The following ARL15 variants were observed in gnomAD, a reference collection of about 807,000 sequenced individuals.
The protein encoded by ARL15 is ARF like GTPase 15.
A neutral mutation model predicts 25.2 loss-of-function variants in ARL15; 19 were observed. That is an observed-to-expected ratio of 0.75 (90% CI 0.53 to 1.10). The LOEUF (loss-of-function observed/expected upper bound fraction) is 1.10, where lower values mean the gene tolerates loss of function less well. ARL15 is among the 50% of genes least tolerant of loss of function. The pLI is 0.00. For missense variants in ARL15, 220 were observed against 246.0 expected (o/e 0.89, Z 0.71); for synonymous variants, 94 against 86.8 (o/e 1.08, Z -0.46).
chr5:53,939,861 T>G lies in ARL15; in HGVS notation c.463-53148A>C, dbSNP rs1746478997. Among the ~76,000 whole-genome samples, 5 of 152,060 alleles carry G rather than the reference T, an allele frequency of 3.3e-5. 1 individual carries two copies. The South Asian group carries it at 1.0e-3, about 31-fold the overall frequency. On this transcript the variant is annotated intron_variant, in intron 4 of 4. Transcript: ENST00000504924. Reference sequence around the variant, plus strand: ...ATCATAAAAGAATAAAATTAAACACTGATTCAAACAAATATGAACAGACGT... The same window carrying G: ...ATCATAAAAGAATAAAATTAAACACGGATTCAAACAAATATGAACAGACGT...
At chr5:54,171,602 C>T (rs1304717270) in intron 2 of ARL15, among the ~76,000 whole-genome samples, 182 bp downstream of exon 2, 1 of 152,086 alleles carries the variant, frequency 6.6e-6, no homozygotes, top group African/African-American at 2.4e-5. Flanking sequence ...ATATAGGATA[C>T]AGCAATTTAA....
intron 4 of ARL15, among the ~76,000 whole-genome samples, chr5:53,950,010 G>A (rs766017213): frequency 6.6e-6 from 1 of 151,962 alleles, no homozygotes; most frequent in African/African-American, 2.4e-5. Flanking sequence ...AATGTTAAGC[G>A]ATGCAGAAAA....
At chr5:54,106,520 G>A (rs1752594143) in intron 4 of ARL15, among the ~76,000 whole-genome samples, 1 of 151,944 alleles carries the variant, frequency 6.6e-6, no homozygotes, top group African/African-American at 2.4e-5. Context: ...ATCAAATGGA[G>A]GAGTATTATC....
intron 1 of ARL15, among the ~76,000 whole-genome samples, chr5:54,237,895 G>A (rs1756852744): frequency 2.6e-5 from 4 of 152,318 alleles, no homozygotes; most frequent in Middle Eastern, 3.4e-3. Flanking sequence ...CTAACCATAT[G>A]AGGGGGAAAA....
intron 4 of ARL15, among the ~76,000 whole-genome samples, chr5:54,053,235 A>G (rs1364272970): frequency 6.7e-6 from 1 of 149,384 alleles, no homozygotes; most frequent in African/African-American, 2.6e-5. Flanking sequence ...AAACAACAAC[A>G]ACAACAAACA....
intron 3 of ARL15, among the ~76,000 whole-genome samples, chr5:54,114,346 G>C (rs1752829038): frequency 7.1e-6 from 1 of 140,300 alleles, no homozygotes; most frequent in African/African-American, 2.7e-5. Context: ...GGAGGTTGCA[G>C]TGAGCCAAGA....
intron 4 of ARL15, among the ~76,000 whole-genome samples, chr5:53,995,007 C>T (rs1452369391): frequency 6.6e-6 from 1 of 152,056 alleles, no homozygotes; most frequent in East Asian, 1.9e-4. Flanking sequence ...GGTGCCAAGA[C>T]ATTCTTTAAA....
At chr5:54,175,292 T>C (rs1171053295) in intron 1 of ARL15, among the ~76,000 whole-genome samples, 3 of 152,150 alleles carry the variant, frequency 2.0e-5, no homozygotes, top group African/African-American at 4.8e-5. Context: ...TTTGCAATGA[T>C]AGCAGTGATA....
intron 4 of ARL15, among the ~76,000 whole-genome samples, chr5:53,977,040 G>T (rs1747948714): frequency 6.6e-6 from 1 of 152,138 alleles, no homozygotes; most frequent in Admixed American, 6.5e-5. Context: ...GTGAAAACTA[G>T]GAAATTCAAG....
chr5:54,222,551 G>T (rs188563287), intron 1 of ARL15, among the ~76,000 whole-genome samples: 1 of 152,180 alleles, frequency 6.6e-6, no homozygotes, highest in African/African-American at 2.4e-5. Flanking sequence ...AGCTATGCTC[G>T]TCATACAAGC....
chr5:54,201,878 G>A (rs1410279752), intron 1 of ARL15, among the ~76,000 whole-genome samples: 1 of 152,028 alleles, frequency 6.6e-6, no homozygotes, highest in African/African-American at 2.4e-5. Flanking sequence ...GGGCCTCTTA[G>A]AAAACCTCAA....
chr5:53,913,089 C>T (rs1013024832), intron 4 of ARL15, among the ~76,000 whole-genome samples: 10 of 152,044 alleles, frequency 6.6e-5, no homozygotes, highest in Non-Finnish European at 1.3e-4. Flanking sequence ...CACTTGAGGC[C>T]GGACTTCAAG....
chr5:54,191,159 G>A (rs535139027), intron 1 of ARL15, among the ~76,000 whole-genome samples: 1 of 152,278 alleles, frequency 6.6e-6, no homozygotes, highest in Admixed American at 6.5e-5. Flanking sequence ...ATATGTTACA[G>A]CATGTTTCAA....
intron 3 of ARL15, among the ~76,000 whole-genome samples, chr5:54,149,148 T>G (rs1404736520): frequency 6.6e-6 from 1 of 152,152 alleles, no homozygotes; most frequent in Non-Finnish European, 1.5e-5. Context: ...TTAAAGTACA[T>G]AAGGCAAATG....
intron 1 of ARL15, among the ~76,000 whole-genome samples, chr5:54,209,381 A>AAAGCTAGAGAAAGAG (rs1476620284): frequency 6.6e-6 from 1 of 152,066 alleles, no homozygotes; most frequent in Non-Finnish European, 1.5e-5. Context: ...TGAAATGGAG[A>AAAGCTAGAGAAAGAG]AAGCTAGAGA....
intron 4 of ARL15, among the ~76,000 whole-genome samples, chr5:53,955,361 C>T (rs184082678): frequency 2.8e-4 from 43 of 152,116 alleles, no homozygotes; most frequent in African/African-American, 9.9e-4. Flanking sequence ...CAAAGCATAC[C>T]TTGTGAGCTT....
At chr5:53,975,524 G>C (rs1649194804) in intron 4 of ARL15, among the ~76,000 whole-genome samples, 1 of 152,186 alleles carries the variant, frequency 6.6e-6, no homozygotes, top group Admixed American at 6.5e-5. Flanking sequence ...GCAGTAAGCA[G>C]CAGCATGCAA....
intron 1 of ARL15, among the ~76,000 whole-genome samples, chr5:54,224,207 C>A (rs115943972): frequency 6.6e-6 from 1 of 152,064 alleles, no homozygotes; most frequent in Non-Finnish European, 1.5e-5. Flanking sequence ...ACTCCAAAGG[C>A]GGCAGTGGGA....
chr5:53,951,641 C>T (rs1746966333), intron 4 of ARL15: 1 of 419,712 alleles, frequency 2.4e-6, no homozygotes, highest in Non-Finnish European at 4.7e-6. Flanking sequence ...TATACTCCTT[C>T]CCTATATATT....
Sources: allele counts gnomAD v4.1 joint callset (sites outside exome capture counted in the v4.1 genomes callset), GRCh38; gene constraint gnomAD v4.1.1; transcripts MANE v1.5; gene names NCBI Gene and HGNC (gene_info 2026-07-23, HGNC 2026-07-21).